The following EHD1 variants were observed in gnomAD, a reference collection of about 807,000 sequenced individuals.
EHD1 encodes the protein EH domain-containing protein 1.
A neutral mutation model predicts 39.0 loss-of-function variants in EHD1; 19 were observed. The observed-to-expected ratio is 0.49, with a 90% CI of 0.34 to 0.72. The LOEUF (loss-of-function observed/expected upper bound fraction) is 0.72, where lower values mean the gene tolerates loss of function less well. EHD1 is among the 30% of genes least tolerant of loss of function. The pLI is 0.01. For synonymous variants in EHD1, 323 were observed against 331.2 expected (o/e 0.98, Z 0.27); for missense variants, 542 against 751.5 (o/e 0.72, Z 3.26).
intron 3 of EHD1, among the ~76,000 whole-genome samples, chr11:64,858,734 G>A: frequency 6.6e-6 from 1 of 152,248 alleles, no homozygotes; most frequent in Non-Finnish European, 1.5e-5. Flanking sequence ...CTGTCATTCT[G>A]TGTTGGAAGG....
At position 64,852,480 on chromosome 11, in the gene EHD1, C is replaced by G. The variant is rs1195100289; in HGVS notation, c.*1853G>C. On this transcript the variant is annotated 3_prime_UTR_variant, in exon 5 of 5. Coordinates refer to ENST00000320631, the MANE Select transcript of EHD1 (RefSeq NM_006795.4). ...CTCCCAACTGTTTCCCCCCTCCCCACCCCAAGTGAACTGCTCAGCTCCCAC... is the reference window on the plus strand; with the variant it reads ...CTCCCAACTGTTTCCCCCCTCCCCAGCCCAAGTGAACTGCTCAGCTCCCAC... 6.6e-6 allele frequency: 1 copy of G among 152,390 alleles called. No individual in the cohort carries two copies. Among genetic ancestry groups the G allele is most frequent in the Non-Finnish European group, 1.5e-5 (1 of 68,158 alleles). 9.4% of individuals were successfully genotyped at this position (152,390 alleles called of 1,614,324 possible).
intron 1 of EHD1, 35 bp from the exon 2 acceptor site, chr11:64,874,553 A>G (rs1469807610): frequency 6.5e-7 from 1 of 1,537,478 alleles, no homozygotes; most frequent in African/African-American, 1.4e-5. Flanking sequence ...AGAGGCGTCA[A>G]GACACAGTCA....
Position 64,860,105 on chromosome 11 carries a change from T to C in EHD1, c.734A>G (p.Asn245Ser). The change falls in exon 3 of 5, where the codon AAC (asparagine) becomes AGC (serine). Residue 245 changes from asparagine (N) to serine (S), a missense_variant. Physicochemically the swap from Asn to Ser is conservative, Grantham distance 46. Transcript: ENST00000320631. ...GTAGACCCTGACCACCTCGGGGGTG[T>C]TGATGATCTTGCCCAGGGACCACAT... ...ALMWSLGKIINTPEVVRVYIG... is the reference protein window; with the variant it reads ...ALMWSLGKIISTPEVVRVYIG... 3 of 1,614,016 alleles carry C rather than the reference T, an allele frequency of 1.9e-6. No individual in the cohort carries two copies. The highest frequency in any genetic ancestry group is 1.7e-5 in the Admixed American group (1 of 59,998).
At chr11:64,874,941 T>C (rs1943869622) in intron 1 of EHD1, among the ~76,000 whole-genome samples, 1 of 152,240 alleles carries the variant, frequency 6.6e-6, no homozygotes, top group African/African-American at 2.4e-5. Flanking sequence ...GCTGGCCGCT[T>C]CCTACTGCTG....
intron 2 of EHD1, among the ~76,000 whole-genome samples, chr11:64,861,838 A>T (rs1470361295): frequency 1.3e-5 from 2 of 152,136 alleles, no homozygotes; most frequent in Non-Finnish European, 2.9e-5. Flanking sequence ...GGTCTTAAAC[A>T]CTTCTCCAAA....
chr11:64,877,293 G>A (rs17146417), intron 1 of EHD1, among the ~76,000 whole-genome samples: 3,887 of 152,226 alleles, frequency 0.026, 161 homozygotes, highest in African/African-American at 0.087. Context: ...CACTCTCCTC[G>A]CGTGCAGAGG....
In EHD1 at chr11:64,865,750, T is replaced by G. The variant is rs146386483; in HGVS notation, c.503-5414A>C. Among the ~76,000 whole-genome samples the G allele has an allele frequency of 2.8e-4, 42 of 152,242 alleles. No homozygotes were observed. In the East Asian group the frequency reaches 7.7e-3, roughly 28 times the overall value. ...GACACACACGCGGCCAACGAGCATA[T>G]GAAAAAACTCTCAGCATCACTAATC... is the stretch of plus-strand genomic sequence containing the variant. On this transcript the variant is annotated intron_variant, in intron 2 of 4. Coordinates refer to ENST00000320631, the MANE Select transcript of EHD1 (RefSeq NM_006795.4).
In EHD1 at chr11:64,878,608, G is replaced by T. The variant is rs548264192; in HGVS notation, c.-144C>A. The T allele has an allele frequency of 1.4e-6, 2 of 1,421,752 alleles. No homozygotes were observed. The highest frequency in any genetic ancestry group is 2.6e-5 in the East Asian group (1 of 38,088). 88.1% of individuals were successfully genotyped at this position (1,421,752 alleles called of 1,614,324 possible). A position where few individuals can be genotyped will look rare whatever the true frequency, so the allele number is the denominator to read the frequency against. ...GGCGCACAGCCCAGCCCGTCGAAGC[G>T]CCCTCTGCCGAATGCTGCGCACCCC... On this transcript the variant is annotated 5_prime_UTR_variant, in exon 1 of 5. Coordinates refer to ENST00000320631, the MANE Select transcript of EHD1 (RefSeq NM_006795.4).
intron 2 of EHD1, among the ~76,000 whole-genome samples, chr11:64,871,859 T>C (rs1441910721): frequency 2.6e-5 from 4 of 152,206 alleles, no homozygotes; most frequent in Non-Finnish European, 5.9e-5. Flanking sequence ...CTCCAACCTG[T>C]TGTCTGCACA....
chr11:64,878,077 T>C lies in EHD1; in HGVS notation c.388A>G (p.Asn130Asp). The change falls in exon 1 of 5, where the codon AAC (asparagine) becomes GAC (aspartate). Residue 130 changes from asparagine (N) to aspartate (D), a missense_variant. Physicochemically the swap from Asn to Asp is conservative, Grantham distance 23. Transcript: ENST00000320631. ...RPFRKLNAFG[N>D]AFLNRFMCAQ... is the part of the protein sequence containing the mutation. ...GGTGGGTACCTGTTGAGGAAAGCGT[T>C]GCCAAACGCGTTGAGCTTGCGGAAG... 6.6e-7 allele frequency: 1 copy of C among 1,523,620 alleles called. No individual in the cohort carries two copies. The highest frequency in any genetic ancestry group is 8.8e-7 in the Non-Finnish European group (1 of 1,138,742). 94.4% of individuals were successfully genotyped at this position (1,523,620 alleles called of 1,614,324 possible). A position where few individuals can be genotyped will look rare whatever the true frequency, so the allele number is the denominator to read the frequency against.
chr11:64,868,430 G>A lies in EHD1; in HGVS notation c.502+5991C>T, dbSNP rs1470192614. ...CTGCCCCGGGTGGAACAACCCAAGC[G>A]CCCCAACAGGTGAATGGATGACAAC... is the stretch of plus-strand genomic sequence containing the variant. On this transcript the variant is annotated intron_variant, in intron 2 of 4. Transcript: ENST00000320631. The surrounding 1 kb of genome is among the most constrained non-coding windows in gnomAD (Gnocchi z 4.2). Among the ~76,000 whole-genome samples the A allele has an allele frequency of 6.6e-6, 1 of 152,120 alleles. No homozygotes were observed. The highest frequency in any genetic ancestry group is 6.5e-5 in the Admixed American group (1 of 15,282).
intron 2 of EHD1, among the ~76,000 whole-genome samples, chr11:64,862,452 C>A (rs1383132859): frequency 1.3e-5 from 2 of 152,164 alleles, no homozygotes; most frequent in African/African-American, 4.8e-5. Context: ...TTTTCTCCCT[C>A]CTGAGGACGG....
At position 64,853,821 on chromosome 11, in the gene EHD1, C is replaced by G. The variant is rs997236965; in HGVS notation, c.*512G>C. 6.2e-6 allele frequency: 1 copy of G among 160,124 alleles called. No individual in the cohort carries two copies. The highest frequency in any genetic ancestry group is 1.8e-4 in the East Asian group (1 of 5,592). 9.9% of individuals were successfully genotyped at this position (160,124 alleles called of 1,614,324 possible). On this transcript the variant is annotated 3_prime_UTR_variant, in exon 5 of 5. Transcript: ENST00000320631. ...AGCCTGGGCCCGGGAGGGGAAGGCA[C>G]AAGAACCCACTTCGCCCGAGAGCAC...
At position 64,860,056 on chromosome 11, in the gene EHD1, C is replaced by G. The variant is rs761790920; in HGVS notation, c.783G>C (p.Pro261=). ...RVYIGSFWSH[P]LLIPDNRKLF... Reference sequence around the variant, plus strand: ...GCTTGCGGTTGTCGGGGATGAGGAGCGGGTGGGACCAGAAGGAGCCGATGT... The same window carrying G: ...GCTTGCGGTTGTCGGGGATGAGGAGGGGGTGGGACCAGAAGGAGCCGATGT... Residue 261 remains proline, a synonymous_variant, in exon 3 of 5, where the codon CCG becomes CCC. Transcript: ENST00000320631. 6.2e-7 allele frequency: 1 copy of G among 1,614,094 alleles called. No individual in the cohort carries two copies. Among genetic ancestry groups the G allele is most frequent in the Non-Finnish European group, 8.5e-7 (1 of 1,180,016 alleles).
At chr11:64,866,801 T>G (rs1010627453) in intron 2 of EHD1, among the ~76,000 whole-genome samples, 6 of 152,168 alleles carry the variant, frequency 3.9e-5, no homozygotes, top group African/African-American at 7.2e-5. Flanking sequence ...AACCTGTACA[T>G]GTACTCCTGA....
Position 64,868,472 on chromosome 11 carries a change from T to C in EHD1, c.502+5949A>G, listed in dbSNP as rs1405360448. Reference sequence around the variant, plus strand: ...GATGACAACGGATGGTGCATCCCTATGATGGGACAAGGACCCCCAACAAAG... The same window carrying C: ...GATGACAACGGATGGTGCATCCCTACGATGGGACAAGGACCCCCAACAAAG... On this transcript the variant is annotated intron_variant, in intron 2 of 4. Coordinates refer to ENST00000320631, the MANE Select transcript of EHD1 (RefSeq NM_006795.4). The surrounding 1 kb of genome is among the most constrained non-coding windows in gnomAD (Gnocchi z 4.2). Among the ~76,000 whole-genome samples the C allele has an allele frequency of 1.3e-5, 2 of 152,162 alleles. No individual in the cohort carries two copies. Among genetic ancestry groups the C allele is most frequent in the Non-Finnish European group, 2.9e-5 (2 of 68,028 alleles).
intron 2 of EHD1, among the ~76,000 whole-genome samples, chr11:64,870,872 C>T (rs762840000): frequency 3.3e-5 from 5 of 152,182 alleles, no homozygotes; most frequent in East Asian, 1.9e-4. Flanking sequence ...CACAGGAGAA[C>T]GGTATCTTTA....
At chr11:64,876,668 G>A (rs1339690412) in intron 1 of EHD1, among the ~76,000 whole-genome samples, 1 of 152,208 alleles carries the variant, frequency 6.6e-6, no homozygotes, top group African/African-American at 2.4e-5. Context: ...CAGTCAGGTG[G>A]GGGCTGCCAA....
In EHD1 at chr11:64,854,433, G is replaced by A. The variant is rs772454605; in HGVS notation, c.1505C>T (p.Ala502Val). The change falls in exon 5 of 5, where the codon GCG (alanine) becomes GTG (valine). Residue 502 changes from alanine (A) to valine (V), a missense_variant. Transcript: ENST00000320631. ...KDGLLDDEEF[A>V]LANHLIKVKL... Reference sequence around the variant, plus strand: ...GACCTTGATGAGGTGGTTGGCCAGCGCGAACTCCTCGTCGTCCAGCAGCCC... The same window carrying A: ...GACCTTGATGAGGTGGTTGGCCAGCACGAACTCCTCGTCGTCCAGCAGCCC... 8 of 1,613,902 alleles carry A rather than the reference G, an allele frequency of 5.0e-6. No individual in the cohort carries two copies. Among genetic ancestry groups the A allele is most frequent in the African/African-American group, 2.7e-5 (2 of 74,910 alleles).
Sources: gnomAD v4.1 joint callset for allele counts (sites outside exome capture counted in the v4.1 genomes callset) on GRCh38, gnomAD v4.1.1 for gene constraint, Gnocchi (gnomAD v3.1) non-coding constraint, MANE v1.5 for transcripts, NCBI Gene and HGNC (gene_info 2026-07-23, HGNC 2026-07-21) for gene names.